Variants in SENP6 observed in about 807,000 individuals in gnomAD.
SENP6 encodes sentrin-specific protease 6.
In SENP6, 41 loss-of-function variants were observed where a neutral mutation model predicts 134.5. The ratio of observed to expected loss-of-function variants is 0.30; its 90% CI spans 0.24 to 0.40. The LOEUF (loss-of-function observed/expected upper bound fraction) is 0.40. SENP6 is among the 10% of genes least tolerant of loss of function. SENP6 has a pLI of 1.00. For synonymous variants in SENP6, 395 were observed against 429.8 expected (o/e 0.92, Z 1.00); for missense variants, 1,248 against 1,312.5 (o/e 0.95, Z 0.76).
chr6:75,670,789 A>G, intron 11 of SENP6, 69 bp downstream of exon 11: 2 of 803,494 alleles, frequency 2.5e-6, no homozygotes, highest in African/African-American at 1.8e-5. Context: ...AAGCTAATAT[A>G]TAATATTTAA....
chr6:75,663,285 C>T lies in SENP6; in HGVS notation c.761C>T (p.Thr254Met), dbSNP rs371874764. The change falls in exon 9 of 24, where the codon ACG (threonine) becomes ATG (methionine). Residue 254 changes from threonine (T) to methionine (M), a missense_variant. Coordinates refer to ENST00000447266, the MANE Select transcript of SENP6 (RefSeq NM_015571.4). ...GAGTCTACTGGACCATTATTAAGAA[C>T]GTCAATTCATCAGAATTCTGGAGGA... ...LNESTGPLLR[T>M]SIHQNSGGQK... 6.2e-6 allele frequency: 10 copies of T among 1,613,302 alleles called. No individual in the cohort carries two copies. Among genetic ancestry groups the T allele is most frequent in the Admixed American group, 5.0e-5 (3 of 59,986 alleles).
rs781386817 is a variant in SENP6, at chr6:75,702,854, G to A, written c.2498G>A (p.Cys833Tyr). 6.2e-6 allele frequency: 10 copies of A among 1,614,088 alleles called. No individual in the cohort carries two copies. The East Asian group carries it at 2.2e-4, about 36-fold the overall frequency. The stretch of plus-strand genomic sequence containing the variant: ...AAGAAGATGCTAAACAAAAAACATT[G>A]CATAGCTGTAATTGATTCCAATCCT... ...VIKKMLNKKH[C>Y]IAVIDSNPGQ... is the part of the protein sequence containing the mutation. Residue 833 changes from cysteine (C) to tyrosine (Y), a missense_variant, in exon 19 of 24, where the codon TGC (cysteine) becomes TAC (tyrosine). By Grantham distance (194) the Cys-to-Tyr change is radical. Transcript: ENST00000447266.
intron 3 of SENP6, among the ~76,000 whole-genome samples, chr6:75,627,492 G>A (rs769611514): frequency 9.9e-5 from 15 of 152,068 alleles, no homozygotes; most frequent in Admixed American, 6.6e-5. Context: ...GAGCAGGCAC[G>A]GTGTCTTTTG....
Position 75,634,779 on chromosome 6 carries a change from A to G in SENP6, c.426A>G (p.Ala142=), listed in dbSNP as rs779624217. The change falls in exon 5 of 24, where the codon GCA becomes GCG. Residue 142 remains alanine, a synonymous_variant. Coordinates refer to ENST00000447266, the MANE Select transcript of SENP6 (RefSeq NM_015571.4). ...VHGRRFHHAH[A]QIPVVKTAAQ... is the part of the protein sequence containing the mutation. ...GTAGACGTTTTCATCATGCTCATGC[A>G]CAGATACCAGTAGTAAAAACAGCAG... 6 of 1,603,706 alleles carry G rather than the reference A, an allele frequency of 3.7e-6. No individual in the cohort carries two copies. The African/African-American group carries it at 8.1e-5, about 22-fold the overall frequency.
chr6:75,650,941 T>C lies in SENP6; in HGVS notation c.550+3140T>C, dbSNP rs1770815246. Among the ~76,000 whole-genome samples the C allele has an allele frequency of 2.0e-5, 3 of 152,224 alleles. No individual in the cohort carries two copies. The South Asian group carries it at 6.2e-4, about 32-fold the overall frequency. ...AGGTGATTTTCTTTATTGTTCTCTT[T>C]GCCTTCTTTATTTTGAATTTGAGGC... On this transcript the variant is annotated intron_variant, in intron 7 of 23. Transcript: ENST00000447266.
chr6:75,679,925 G>A (rs1408233340), intron 16 of SENP6: 1 of 152,040 alleles, frequency 6.6e-6, no homozygotes, highest in Non-Finnish European at 1.5e-5. Context: ...TCAGTTTGGT[G>A]GGAAAACACA....
intron 3 of SENP6, among the ~76,000 whole-genome samples, 200 bp downstream of exon 3, chr6:75,624,160 T>C (rs1768489979): frequency 1.3e-5 from 2 of 152,188 alleles, no homozygotes; most frequent in Admixed American, 1.3e-4. Context: ...CCACCTCCCA[T>C]GTTACACAAT....
chr6:75,633,777 G>T, intron 4 of SENP6, 51 bp downstream of exon 4: 2 of 1,516,198 alleles, frequency 1.3e-6, no homozygotes, highest in South Asian at 2.7e-5. Flanking sequence ...GGAAGAGTTT[G>T]ACACCAAAAA....
At chr6:75,652,698 A>AAAAAAAAAG (rs1554166656) in intron 7 of SENP6, among the ~76,000 whole-genome samples, 38 of 148,694 alleles carry the variant, frequency 2.6e-4, no homozygotes, top group African/African-American at 9.1e-4. Flanking sequence ...AAAAAAAAAA[A>AAAAAAAAAG]AAAAAGAAAA....
intron 1 of SENP6, among the ~76,000 whole-genome samples, chr6:75,617,248 A>G (rs1767918285): frequency 7.3e-6 from 1 of 136,382 alleles, no homozygotes; most frequent in Non-Finnish European, 1.6e-5. Context: ...GATGGTTTGG[A>G]GAATTTCTTT....
chr6:75,631,636 G>A (rs1044926623), intron 3 of SENP6, among the ~76,000 whole-genome samples: 2 of 152,078 alleles, frequency 1.3e-5, no homozygotes, highest in African/African-American at 4.8e-5. Context: ...AAGTTTTCTT[G>A]GAAAACAGCC....
intron 6 of SENP6, chr6:75,644,147 C>T (rs891193426): frequency 1.3e-5 from 2 of 151,826 alleles, no homozygotes; most frequent in African/African-American, 4.8e-5. Context: ...GCATGGATGA[C>T]ACACGAATTA....
chr6:75,609,498 G>A (rs1767281042), intron 1 of SENP6, among the ~76,000 whole-genome samples: 1 of 152,164 alleles, frequency 6.6e-6, no homozygotes, highest in East Asian at 1.9e-4. Flanking sequence ...CCTTCAGTGG[G>A]AAGAATGACA....
At chr6:75,695,963 C>A in intron 17 of SENP6, 40 bp downstream of exon 17, 1 of 1,530,048 alleles carries the variant, frequency 6.5e-7, no homozygotes, top group South Asian at 1.3e-5. Flanking sequence ...ATGTAAGTCA[C>A]TCACATTTAA....
chr6:75,604,055 C>T (rs1766837512), intron 1 of SENP6, among the ~76,000 whole-genome samples: 1 of 152,124 alleles, frequency 6.6e-6, no homozygotes, highest in Non-Finnish European at 1.5e-5. Context: ...CTTACTCGTG[C>T]TTATTATCTT....
intron 17 of SENP6, among the ~76,000 whole-genome samples, chr6:75,696,311 T>C (rs1774659421): frequency 6.6e-6 from 1 of 152,212 alleles, no homozygotes; most frequent in Non-Finnish European, 1.5e-5. Flanking sequence ...CTAGTAGGTT[T>C]TTTTAAAATT....
chr6:75,682,787 C>T (rs1033828786), intron 16 of SENP6, among the ~76,000 whole-genome samples: 4 of 152,066 alleles, frequency 2.6e-5, no homozygotes, highest in Non-Finnish European at 4.4e-5. Flanking sequence ...TGCCACATTT[C>T]CTTAATCCAG....
intron 13 of SENP6, among the ~76,000 whole-genome samples, chr6:75,676,390 A>G (rs1272890297): frequency 1.3e-5 from 2 of 152,162 alleles, no homozygotes; most frequent in Non-Finnish European, 2.9e-5. Flanking sequence ...TAAATCAGCC[A>G]TATAAATCTG....
At chr6:75,643,491 TAAATG>T (rs753525292) in intron 6 of SENP6, among the ~76,000 whole-genome samples, 9 of 152,150 alleles carry the variant, frequency 5.9e-5, no homozygotes, top group Admixed American at 1.3e-4. Context: ...ACATAACAAA[TAAATG>T]TAAAGCCTCC....
Sources: allele counts gnomAD v4.1 joint callset (sites outside exome capture counted in the v4.1 genomes callset), GRCh38; gene constraint gnomAD v4.1.1; transcripts MANE v1.5; gene names NCBI Gene and HGNC (gene_info 2026-07-23, HGNC 2026-07-21).